Variants in UMODL1 observed in about 807,000 individuals in gnomAD.
UMODL1 encodes the protein uromodulin-like 1.
A neutral mutation model predicts 136.3 loss-of-function variants in UMODL1; 128 were observed. That is an observed-to-expected ratio of 0.94 (90% CI 0.81 to 1.09). UMODL1 has a LOEUF of 1.09. Ranked by LOEUF, UMODL1 falls within the 50% of genes least tolerant of loss-of-function variation. The pLI is 0.00. For missense variants in UMODL1, 1,766 were observed against 1,725.6 expected (o/e 1.02, Z -0.41); for synonymous variants, 721 against 720.0 (o/e 1.00, Z -0.02).
At chr21:42,101,962 T>C in intron 7 of UMODL1, 3 of 474,976 alleles carry the variant, frequency 6.3e-6, no homozygotes, top group South Asian at 6.3e-5. Flanking sequence ...CTTCCTGGGA[T>C]GTCTCTGCCC....
rs2066817572 is a variant in UMODL1, at chr21:42,111,114, A to C, written c.1892A>C (p.Glu631Ala). 12 of 1,609,636 alleles carry C rather than the reference A, an allele frequency of 7.5e-6. No individual in the cohort carries two copies. Among genetic ancestry groups the C allele is most frequent in the Non-Finnish European group, 1.0e-5 (12 of 1,178,324 alleles). ...YDRNNTGKGV[E>A]QELQGNSIME... ...AGGAACAACACAGGAAAAGGCGTGG[A>C]GCAGGAGGTGCCCAGCACTGCCCCG... The change falls in exon 11 of 23, where the codon GAG becomes GCG. Residue 631 changes from glutamate (E) to alanine (A), a missense_variant. Coordinates refer to ENST00000408910, the MANE Select transcript of UMODL1 (RefSeq NM_001004416.3).
chr21:42,129,942 G>T (rs2067112155), intron 21 of UMODL1, 145 bp downstream of exon 21: 1 of 610,982 alleles, frequency 1.6e-6, no homozygotes, highest in Non-Finnish European at 2.7e-6. Flanking sequence ...AATACTCATA[G>T]TTAGTATTCA....
intron 2 of UMODL1, among the ~76,000 whole-genome samples, chr21:42,082,050 G>C (rs372829321): frequency 1.6e-4 from 25 of 152,340 alleles, no homozygotes; most frequent in South Asian, 2.1e-4. Context: ...GAGTGAGTCA[G>C]GGACAACGCA....
intron 17 of UMODL1, 125 bp from the exon 18 acceptor site, chr21:42,126,220 A>G: frequency 7.2e-7 from 1 of 1,391,818 alleles, no homozygotes. Context: ...CAGGATCTCG[A>G]TGCTGCTGGG....
At position 42,122,762 on chromosome 21, in the gene UMODL1, A is replaced by T; in HGVS notation, c.2828-69A>T. 4 of 1,482,104 alleles carry T rather than the reference A, an allele frequency of 2.7e-6. No homozygotes were observed. Among genetic ancestry groups the T allele is most frequent in the Non-Finnish European group, 3.6e-6 (4 of 1,109,376 alleles). The allele number at this position is 1,482,104 out of a possible 1,614,324, so 91.8% of individuals were successfully genotyped here. A position where few individuals can be genotyped will look rare whatever the true frequency, so the allele number is the denominator to read the frequency against. The stretch of plus-strand genomic sequence containing the variant: ...GCAGGGCAGCTCCAGTCTGCTCCTT[A>T]CCCCTGCCCCTCCATGCCAACCCCA... On this transcript the variant is annotated intron_variant, in intron 16 of 22. Transcript: ENST00000408910. This position sits in a 1 kb window ranked among gnomAD's most constrained non-coding sequence, Gnocchi z 4.3.
At chr21:42,084,313 T>C (rs1266752747) in intron 3 of UMODL1, 68 bp downstream of exon 3, 1 of 1,539,032 alleles carries the variant, frequency 6.5e-7, no homozygotes, top group Non-Finnish European at 8.7e-7. Context: ...CTGATCTGTG[T>C]GAAGGTGTGG....
intron 2 of UMODL1, among the ~76,000 whole-genome samples, chr21:42,080,731 A>G (rs1158562490): frequency 2.0e-5 from 3 of 152,246 alleles, no homozygotes; most frequent in East Asian, 1.9e-4. Flanking sequence ...ACCACCTTTC[A>G]CATGTTCTTT....
intron 9 of UMODL1, chr21:42,108,231 C>T: frequency 4.2e-6 from 2 of 471,916 alleles, no homozygotes; most frequent in South Asian, 3.1e-5. Flanking sequence ...CTGCTGTCCT[C>T]CGTGGACTGC....
At chr21:42,096,143 T>A (rs1254728675) in intron 6 of UMODL1, among the ~76,000 whole-genome samples, 1 of 152,178 alleles carries the variant, frequency 6.6e-6, no homozygotes, top group Non-Finnish European at 1.5e-5. Context: ...GTGCCCTTAT[T>A]GGTCAAACAT....
At chr21:42,134,436 G>A (rs979292875) in intron 21 of UMODL1, among the ~76,000 whole-genome samples, 2 of 152,090 alleles carry the variant, frequency 1.3e-5, no homozygotes, top group African/African-American at 2.4e-5. Flanking sequence ...AAGAAATTTC[G>A]AGGATAGTGT....
At chr21:42,109,128 C>G (rs2066777549) in intron 9 of UMODL1, among the ~76,000 whole-genome samples, 1 of 151,408 alleles carries the variant, frequency 6.6e-6, no homozygotes. Flanking sequence ...CGCTGGACCC[C>G]CACCCCCCAT....
At chr21:42,105,821 G>C (rs893901133) in intron 9 of UMODL1, among the ~76,000 whole-genome samples, 5 of 152,192 alleles carry the variant, frequency 3.3e-5, no homozygotes, top group Admixed American at 2.6e-4. Flanking sequence ...CATCTGTGCT[G>C]TTTCAGGCCC....
chr21:42,087,086 G>A (rs1457060048), intron 4 of UMODL1, among the ~76,000 whole-genome samples: 8 of 152,196 alleles, frequency 5.3e-5, no homozygotes, highest in Admixed American at 5.2e-4. Context: ...ATGCGTGTGG[G>A]GCCTGAGATG....
chr21:42,113,094 C>T (rs1200227852), intron 12 of UMODL1: 3 of 155,702 alleles, frequency 1.9e-5, no homozygotes, highest in African/African-American at 7.2e-5. Flanking sequence ...GCAGCACAGG[C>T]TCTAAGACTA....
Position 42,122,898 on chromosome 21 carries a change from G to A in UMODL1, c.2895G>A (p.Lys965=), listed in dbSNP as rs1308036691. The A allele has an allele frequency of 9.3e-6, 15 of 1,613,734 alleles. No individual in the cohort carries two copies. Among genetic ancestry groups the A allele is most frequent in the Non-Finnish European group, 1.3e-5 (15 of 1,179,988 alleles). The change falls in exon 17 of 23, where the codon AAG becomes AAA. Residue 965 remains lysine (K), a synonymous_variant. Transcript: ENST00000408910. This position sits in a 1 kb window ranked among gnomAD's most constrained non-coding sequence, Gnocchi z 4.3. ...GGCCTCTCACCACAGCAGGGACCAA[G>A]GCTGCCTTTGTGCAAGGCACCAGCC... ...PERPLTTAGT[K]AAFVQGTSPT... is the part of the protein sequence containing the mutation.
intron 13 of UMODL1, among the ~76,000 whole-genome samples, chr21:42,114,488 A>G (rs982682409): frequency 2.0e-5 from 3 of 152,104 alleles, no homozygotes; most frequent in South Asian, 2.1e-4. Flanking sequence ...CAGCTTCCCA[A>G]GCGTTGATAG....
At chr21:42,065,754 G>T (rs555474522) in intron 1 of UMODL1, among the ~76,000 whole-genome samples, 8 of 151,986 alleles carry the variant, frequency 5.3e-5, no homozygotes, top group Non-Finnish European at 1.2e-4. Flanking sequence ...GGAGGGCCTC[G>T]ATCTGCTGAC....
chr21:42,087,451 C>T (rs1042267607), intron 4 of UMODL1, among the ~76,000 whole-genome samples: 2 of 152,190 alleles, frequency 1.3e-5, no homozygotes, highest in African/African-American at 4.8e-5. Context: ...ACTGGTCTGG[C>T]TGTGCAGCTG....
At chr21:42,075,668 G>A (rs220284) in intron 1 of UMODL1, among the ~76,000 whole-genome samples, 50,079 of 152,178 alleles carry the variant, frequency 0.33, 8,828 homozygotes, top group Admixed American at 0.48. Context: ...TGATTCCAGC[G>A]CTGTGCTCTC....
Sources: gnomAD v4.1 joint callset for allele counts (sites outside exome capture counted in the v4.1 genomes callset) on GRCh38, gnomAD v4.1.1 for gene constraint, Gnocchi (gnomAD v3.1) non-coding constraint, MANE v1.5 for transcripts, NCBI Gene and HGNC (gene_info 2026-07-23, HGNC 2026-07-21) for gene names.